Variants in IL1RAPL1 observed in about 807,000 individuals in gnomAD.
IL1RAPL1 encodes interleukin-1 receptor accessory protein-like 1.
In IL1RAPL1, 3 loss-of-function variants were observed where a neutral mutation model predicts 48.4. That is an observed-to-expected ratio of 0.06 (90% CI 0.03 to 0.16). The LOEUF (loss-of-function observed/expected upper bound fraction) is 0.16. Among genes scored for constraint, IL1RAPL1 ranks in the 10% least tolerant of loss-of-function variants. IL1RAPL1 has a pLI of 1.00. For synonymous variants in IL1RAPL1, 185 were observed against 187.7 expected, an observed-to-expected ratio of 0.99 and a Z score of 0.12; for missense variants, 349 against 530.6, an observed-to-expected ratio of 0.66 and a Z score of 3.36.
intron 2 of IL1RAPL1, among the ~76,000 whole-genome samples, chrX:29,178,890 A>G (rs1387809460): frequency 1.8e-5 from 2 of 111,820 alleles, no homozygotes; most frequent in Non-Finnish European, 1.9e-5. Flanking sequence ...AGGTTTGTCA[A>G]AGATCAGATG....
In IL1RAPL1 at chrX:29,518,027, C is replaced by T. The variant is rs5927685; in HGVS notation, c.703+118719C>T. Among the ~76,000 whole-genome samples, 5 of 111,724 alleles carry T rather than the reference C, an allele frequency of 4.5e-5. No homozygotes were observed. In the Admixed American group the frequency reaches 4.8e-4, roughly 11 times the overall value. On this transcript the variant is annotated intron_variant, in intron 5 of 10. Coordinates refer to ENST00000378993, the MANE Select transcript of IL1RAPL1 (RefSeq NM_014271.4). ...CGCTCAATATAGGTTAGGCAATATT[C>T]TGGCCATATGACCTCTAATATTCTT... is the stretch of plus-strand genomic sequence containing the variant.
intron 1 of IL1RAPL1, among the ~76,000 whole-genome samples, chrX:28,726,299 A>G (rs1027872596): frequency 8.9e-6 from 1 of 112,318 alleles, no homozygotes; most frequent in East Asian, 2.8e-4. Context: ...CAAGAAATCA[A>G]TAGGGATAAG....
At chrX:29,252,694 A>G (rs1046781117) in intron 2 of IL1RAPL1, among the ~76,000 whole-genome samples, 3 of 111,422 alleles carry the variant, frequency 2.7e-5, no homozygotes, top group Admixed American at 9.6e-5. Context: ...GTCCACTACC[A>G]TACTGAAATT....
intron 5 of IL1RAPL1, among the ~76,000 whole-genome samples, chrX:29,575,857 A>G (rs765450461): frequency 7.5e-4 from 84 of 112,073 alleles, no homozygotes; most frequent in Non-Finnish European, 9.4e-4. Flanking sequence ...CTCTGAGGGT[A>G]TAGCTTCCAG....
chrX:29,628,901 T>C (rs150353204), intron 5 of IL1RAPL1, among the ~76,000 whole-genome samples: 13 of 112,371 alleles, frequency 1.2e-4, no homozygotes, highest in Non-Finnish European at 1.9e-4. Context: ...GTTGACTGGA[T>C]ACTCGAATTG....
chrX:29,177,217 G>A (rs192576960), intron 2 of IL1RAPL1, among the ~76,000 whole-genome samples: 1 of 111,734 alleles, frequency 8.9e-6, no homozygotes, highest in African/African-American at 3.2e-5. Context: ...TGGAGCAGGG[G>A]GGATGCCTTT....
rs1467127985 is a variant in IL1RAPL1, at chrX:28,804,146, G to T, written c.82+14721G>T. On this transcript the variant is annotated intron_variant, in intron 2 of 10. Coordinates refer to ENST00000378993, the MANE Select transcript of IL1RAPL1 (RefSeq NM_014271.4). ...AATCCATGTATCTGTCATGTCTTTG[G>T]AACTGGTGGTGCTATAGGCATTGTC... 2.7e-5 allele frequency among the ~76,000 whole-genome samples: 3 copies of T among 110,894 alleles called. No homozygotes were observed. The Admixed American group carries it at 2.9e-4, about 11-fold the overall frequency.
intron 5 of IL1RAPL1, among the ~76,000 whole-genome samples, chrX:29,428,530 T>C (rs1934376636): frequency 9.1e-6 from 1 of 110,225 alleles, no homozygotes; most frequent in Admixed American, 9.8e-5. Flanking sequence ...CACAAATTAC[T>C]ACTAATATTT....
chrX:28,621,910 G>A (rs905755383), intron 1 of IL1RAPL1, among the ~76,000 whole-genome samples: 1 of 111,392 alleles, frequency 9.0e-6, no homozygotes, highest in African/African-American at 3.3e-5. Context: ...TACGATCTTA[G>A]ATGAGCCACT....
Position 29,706,252 on chromosome X carries a change from A to G in IL1RAPL1, c.778+37748A>G, listed in dbSNP as rs754960858. Among the ~76,000 whole-genome samples, 196 of 111,869 alleles carry G rather than the reference A, an allele frequency of 1.8e-3. 1 individual carries two copies. Among genetic ancestry groups the G allele is most frequent in the African/African-American group, 5.7e-3 (175 of 30,794 alleles). ...GATTTGGCTGGGGACATTGAACCAAATCATATCATTCTGCCCCTGGCCCCT... is the reference window on the plus strand; with the variant it reads ...GATTTGGCTGGGGACATTGAACCAAGTCATATCATTCTGCCCCTGGCCCCT... On this transcript the variant is annotated intron_variant, in intron 6 of 10. Coordinates refer to ENST00000378993, the MANE Select transcript of IL1RAPL1 (RefSeq NM_014271.4).
intron 5 of IL1RAPL1, among the ~76,000 whole-genome samples, chrX:29,460,526 A>G: frequency 8.9e-6 from 1 of 112,321 alleles, no homozygotes. Flanking sequence ...CCCATACTAC[A>G]GGCCTGAATA....
chrX:28,943,897 C>T (rs756216264), intron 2 of IL1RAPL1, among the ~76,000 whole-genome samples: 39 of 110,629 alleles, frequency 3.5e-4, no homozygotes, highest in African/African-American at 1.2e-3. Context: ...CGACATTCAC[C>T]TCAACATAGA....
At chrX:29,075,453 A>C (rs971608250) in intron 2 of IL1RAPL1, among the ~76,000 whole-genome samples, 5 of 111,800 alleles carry the variant, frequency 4.5e-5, no homozygotes, top group Non-Finnish European at 7.5e-5. Context: ...GAGAAAGAGC[A>C]ATGACACATT....
At chrX:29,344,918 G>T (rs755403255) in intron 3 of IL1RAPL1, among the ~76,000 whole-genome samples, 1 of 112,598 alleles carries the variant, frequency 8.9e-6, no homozygotes, top group Non-Finnish European at 1.9e-5. Flanking sequence ...TTACAGGCGT[G>T]AGCCACCACG....
chrX:28,619,047 C>A (rs1195414799), intron 1 of IL1RAPL1, among the ~76,000 whole-genome samples: 2 of 112,061 alleles, frequency 1.8e-5, no homozygotes, highest in African/African-American at 6.5e-5. Flanking sequence ...AAGAAGTTTG[C>A]AGGTTCATTT....
intron 2 of IL1RAPL1, among the ~76,000 whole-genome samples, chrX:28,987,083 T>C (rs904568437): frequency 7.1e-5 from 8 of 112,547 alleles, no homozygotes; most frequent in African/African-American, 1.6e-4. Flanking sequence ...TTTTGAAATA[T>C]TGCCTATGAT....
At chrX:29,501,507 T>C (rs1935273098) in intron 5 of IL1RAPL1, among the ~76,000 whole-genome samples, 1 of 111,735 alleles carries the variant, frequency 8.9e-6, no homozygotes, top group African/African-American at 3.3e-5. Flanking sequence ...GTTAGAAATC[T>C]TTTTTCATTC....
intron 6 of IL1RAPL1, among the ~76,000 whole-genome samples, chrX:29,698,771 G>A (rs749290736): frequency 1.2e-4 from 13 of 112,038 alleles, no homozygotes; most frequent in South Asian, 7.4e-4. Flanking sequence ...CTTGGCTTTC[G>A]TCAACATTAG....
At chrX:29,473,124 G>A (rs1480087956) in intron 5 of IL1RAPL1, among the ~76,000 whole-genome samples, 3 of 111,517 alleles carry the variant, frequency 2.7e-5, no homozygotes, top group African/African-American at 9.8e-5. Context: ...GGAAGGATAT[G>A]TTCTAGGCTT....
Sources: allele counts gnomAD v4.1 joint callset (sites outside exome capture counted in the v4.1 genomes callset), GRCh38; gene constraint gnomAD v4.1.1; transcripts MANE v1.5; gene names NCBI Gene and HGNC (gene_info 2026-07-23, HGNC 2026-07-21).